The following SCAI variants were observed in gnomAD, a reference collection of about 807,000 sequenced individuals.
SCAI encodes the protein protein SCAI.
Under a neutral mutation model 92.2 loss-of-function variants are expected in SCAI, and 24 were observed. The observed-to-expected ratio is 0.26, with a 90% CI of 0.19 to 0.37. The LOEUF (loss-of-function observed/expected upper bound fraction) is 0.37. Among genes scored for constraint, SCAI ranks in the 10% least tolerant of loss-of-function variants. The pLI, the probability that SCAI is intolerant of heterozygous loss-of-function variation, is 1.00. For missense variants in SCAI, 450 were observed against 736.2 expected, an observed-to-expected ratio of 0.61 and a Z score of 4.50; for synonymous variants, 261 against 258.6, an observed-to-expected ratio of 1.01 and a Z score of -0.09.
At chr9:125,003,364 G>T in intron 10 of SCAI, 105 bp downstream of exon 10, 1 of 1,018,062 alleles carries the variant, frequency 9.8e-7, no homozygotes, top group South Asian at 1.3e-5. Context: ...CTCATCAAGT[G>T]AATTCTTTAT....
At chr9:125,122,567 C>A (rs1467239342) in intron 2 of SCAI, among the ~76,000 whole-genome samples, 2 of 117,236 alleles carry the variant, frequency 1.7e-5, no homozygotes, top group African/African-American at 6.5e-5. Flanking sequence ...CCAGCCTGGG[C>A]AACAGAGTGA....
At chr9:125,064,921 ACAT>A (rs1316690036) in intron 2 of SCAI, among the ~76,000 whole-genome samples, 1 of 152,196 alleles carries the variant, frequency 6.6e-6, no homozygotes, top group Non-Finnish European at 1.5e-5. Context: ...GGGTCAAAAA[ACAT>A]CATAATGAAA....
At chr9:125,049,958 C>A (rs916330909) in intron 3 of SCAI, among the ~76,000 whole-genome samples, 14 of 152,180 alleles carry the variant, frequency 9.2e-5, no homozygotes, top group African/African-American at 3.1e-4. Flanking sequence ...CTTAAAAACA[C>A]ACTTACAGCA....
At chr9:124,991,003 G>A (rs1186336854) in intron 14 of SCAI, among the ~76,000 whole-genome samples, 1 of 152,162 alleles carries the variant, frequency 6.6e-6, no homozygotes, top group Non-Finnish European at 1.5e-5. Context: ...AGTTTCTGAT[G>A]CACAGAAATA....
chr9:124,968,785 C>T (rs1011069582), intron 17 of SCAI: 45 of 848,752 alleles, frequency 5.3e-5, no homozygotes, highest in Middle Eastern at 5.9e-4. Context: ...GCGCAGGCCA[C>T]GGCGATTCCA....
At chr9:125,055,790 A>G (rs1833650920) in intron 3 of SCAI, 86 bp downstream of exon 3, 1 of 1,082,426 alleles carries the variant, frequency 9.2e-7, no homozygotes. Context: ...TTCTACCCAT[A>G]ATTTTCGGAA....
At chr9:125,055,809 C>A in intron 3 of SCAI, 67 bp downstream of exon 3, 2 of 1,389,232 alleles carry the variant, frequency 1.4e-6, no homozygotes, top group Non-Finnish European at 1.9e-6. Flanking sequence ...AAACTTACCA[C>A]ACATCAGCCA....
At chr9:125,115,747 G>A (rs1159270266) in intron 2 of SCAI, among the ~76,000 whole-genome samples, 2 of 152,032 alleles carry the variant, frequency 1.3e-5, no homozygotes, top group Admixed American at 6.6e-5. Context: ...AAATGCAAAT[G>A]AATAAAAATA....
chr9:125,035,851 A>T (rs1833182984), intron 3 of SCAI, among the ~76,000 whole-genome samples: 1 of 152,226 alleles, frequency 6.6e-6, no homozygotes, highest in Non-Finnish European at 1.5e-5. Flanking sequence ...TGAGGCCAGG[A>T]GTTCGAGACC....
intron 2 of SCAI, among the ~76,000 whole-genome samples, chr9:125,105,590 A>G (rs1056147677): frequency 2.0e-5 from 3 of 152,226 alleles, no homozygotes; most frequent in Admixed American, 1.3e-4. Flanking sequence ...AGTGTATCTG[A>G]ATGTGTATAG....
intron 2 of SCAI, among the ~76,000 whole-genome samples, chr9:125,056,374 C>T (rs1433686541): frequency 6.6e-6 from 1 of 151,928 alleles, no homozygotes; most frequent in Admixed American, 6.6e-5. Context: ...GCTGAGGAAG[C>T]AGAATTGCTT....
At chr9:125,080,597 T>C (rs1408907010) in intron 2 of SCAI, among the ~76,000 whole-genome samples, 1 of 152,214 alleles carries the variant, frequency 6.6e-6, no homozygotes, top group Non-Finnish European at 1.5e-5. Flanking sequence ...TTACTAGCTA[T>C]TTTACTTTGG....
chr9:124,993,571 C>T (rs930713954), intron 14 of SCAI, among the ~76,000 whole-genome samples: 5 of 152,000 alleles, frequency 3.3e-5, no homozygotes, highest in African/African-American at 9.7e-5. Context: ...ACCTGGGAAA[C>T]GAGCGAAACT....
intron 14 of SCAI, among the ~76,000 whole-genome samples, chr9:124,992,931 T>C (rs1832165171): frequency 6.6e-6 from 1 of 152,204 alleles, no homozygotes; most frequent in African/African-American, 2.4e-5. Context: ...TAAATCTAAA[T>C]AGTCCTCTGG....
At chr9:125,093,697 C>T (rs536410766) in intron 2 of SCAI, among the ~76,000 whole-genome samples, 1 of 151,832 alleles carries the variant, frequency 6.6e-6, no homozygotes, top group Admixed American at 6.6e-5. Context: ...TCCCGAGTAG[C>T]TGGGACTACA....
chr9:124,962,776 A>G (rs1318558994), intron 17 of SCAI, among the ~76,000 whole-genome samples: 2 of 151,512 alleles, frequency 1.3e-5, no homozygotes, highest in East Asian at 3.9e-4. Flanking sequence ...TATATGTATT[A>G]TATATTGTTT....
rs1373257528 is a variant in SCAI at position 124,952,670 on chromosome 9, G to T, written c.*137C>A. ...ACCCTAAAAGTGTGAACATTTTTTT[G>T]TTTGTTTTTAAAATGGTGGCCCTAA... is the stretch of plus-strand genomic sequence containing the variant. On this transcript the variant is annotated 3_prime_UTR_variant, in exon 18 of 18. Coordinates refer to ENST00000336505, the MANE Select transcript of SCAI (RefSeq NM_001144877.3). 2.2e-5 allele frequency: 14 copies of T among 624,044 alleles called. No individual in the cohort carries two copies. Among genetic ancestry groups the T allele is most frequent in the Non-Finnish European group, 2.3e-5 (9 of 384,418 alleles). The allele number at this position is 624,044 out of a possible 1,614,324, so 38.7% of individuals were successfully genotyped here. A position where few individuals can be genotyped will look rare whatever the true frequency, so the allele number is the denominator to read the frequency against.
intron 14 of SCAI, among the ~76,000 whole-genome samples, chr9:124,979,309 G>C (rs1037627070): frequency 2.6e-5 from 4 of 151,854 alleles, no homozygotes; most frequent in African/African-American, 9.7e-5. Context: ...AGAGGCCAAG[G>C]GCAGGCAGAT....
At chr9:125,048,736 ATTT>A (rs1833497320) in intron 3 of SCAI, among the ~76,000 whole-genome samples, 1 of 146,448 alleles carries the variant, frequency 6.8e-6, no homozygotes, top group Non-Finnish European at 1.5e-5. Context: ...TTATTTATTT[ATTT>A]AATTTTATTT....
Sources: allele counts gnomAD v4.1 joint callset (sites outside exome capture counted in the v4.1 genomes callset), GRCh38; gene constraint gnomAD v4.1.1; transcripts MANE v1.5; gene names NCBI Gene and HGNC (gene_info 2026-07-23, HGNC 2026-07-21).